The following LRP1B variants were observed in gnomAD, a reference collection of about 807,000 sequenced individuals.
LRP1B encodes the protein LDL receptor related protein 1B.
LRP1B carries 217 observed loss-of-function variants against 556.6 expected under a neutral mutation model. The ratio of observed to expected loss-of-function variants is 0.39; its 90% confidence interval spans 0.35 to 0.44. The LOEUF is 0.44. Among genes scored for constraint, LRP1B ranks in the 20% least tolerant of loss-of-function variants. The probability of loss-of-function intolerance (pLI) is 1.00; values close to 1 mark genes in which losing one functional copy is unlikely to be tolerated. For missense variants in LRP1B, 5,053 were observed against 5,620.8 expected, an observed-to-expected ratio of 0.90 and a Z score of 3.23; for synonymous variants, 2,047 against 1,865.8, an observed-to-expected ratio of 1.10 and a Z score of -2.50.
chr2:141,163,370 G>A (rs1680115632), intron 7 of LRP1B, among the ~76,000 whole-genome samples: 1 of 151,998 alleles, frequency 6.6e-6, no homozygotes, highest in African/African-American at 2.4e-5. Flanking sequence ...TTGAGTTAAT[G>A]GCAATAACGT....
chr2:140,409,175 T>C (rs1684868803), intron 66 of LRP1B, among the ~76,000 whole-genome samples: 1 of 151,944 alleles, frequency 6.6e-6, no homozygotes, highest in South Asian at 2.1e-4. Context: ...TTGGCCTGTA[T>C]ATTCTGGGTA....
chr2:140,823,582 G>A (rs1691400214), intron 31 of LRP1B, among the ~76,000 whole-genome samples: 1 of 151,970 alleles, frequency 6.6e-6, no homozygotes, highest in Non-Finnish European at 1.5e-5. Flanking sequence ...CAGTGGAACA[G>A]TTCTGAAGGA....
intron 3 of LRP1B, among the ~76,000 whole-genome samples, chr2:141,344,719 T>C (rs889444954): frequency 9.2e-5 from 14 of 152,234 alleles, no homozygotes; most frequent in African/African-American, 3.4e-4. Context: ...TCCCACTGTA[T>C]TCATAGTGTC....
chr2:141,302,122 A>T (rs779872760), intron 3 of LRP1B, among the ~76,000 whole-genome samples: 1 of 152,184 alleles, frequency 6.6e-6, no homozygotes, highest in Non-Finnish European at 1.5e-5. Context: ...AATATCTCCC[A>T]GGAAAATTAA....
chr2:141,194,363 G>C (rs1051203271), intron 6 of LRP1B, among the ~76,000 whole-genome samples: 6 of 152,046 alleles, frequency 3.9e-5, no homozygotes, highest in African/African-American at 1.4e-4. Context: ...ACAAGGATCA[G>C]AATGAGAACA....
At chr2:140,665,993 AATTTT>A in intron 41 of LRP1B, among the ~76,000 whole-genome samples, 1 of 142,136 alleles carries the variant, frequency 7.0e-6, no homozygotes, top group African/African-American at 2.8e-5. Flanking sequence ...AAAAAAAAAA[AATTTT>A]TTTTTTTTTT....
intron 1 of LRP1B, among the ~76,000 whole-genome samples, chr2:142,101,361 G>A (rs1035791970): frequency 8.6e-5 from 13 of 151,938 alleles, no homozygotes; most frequent in Admixed American, 6.6e-4. Flanking sequence ...ACTGAAGCTG[G>A]CCACACTCAC....
intron 2 of LRP1B, among the ~76,000 whole-genome samples, chr2:141,684,484 T>C (rs779275370): frequency 6.6e-6 from 1 of 151,676 alleles, no homozygotes; most frequent in Non-Finnish European, 1.5e-5. Context: ...AGGATAGCAT[T>C]AGGAGAAATA....
intron 23 of LRP1B, among the ~76,000 whole-genome samples, chr2:140,887,027 TTA>T: frequency 6.6e-6 from 1 of 152,320 alleles, no homozygotes; most frequent in African/African-American, 2.4e-5. Flanking sequence ...GTTACTAAAA[TTA>T]TGTTATTTCA....
intron 31 of LRP1B, among the ~76,000 whole-genome samples, chr2:140,822,283 T>C (rs138460823): frequency 6.6e-6 from 1 of 152,344 alleles, no homozygotes; most frequent in East Asian, 1.9e-4. Flanking sequence ...CAACAATGGA[T>C]AACTGGAATG....
chr2:141,567,180 G>A (rs1044655718), intron 2 of LRP1B, among the ~76,000 whole-genome samples: 1 of 152,110 alleles, frequency 6.6e-6, no homozygotes, highest in African/African-American at 2.4e-5. Flanking sequence ...ACTATGCAAT[G>A]GCATCAGATG....
intron 3 of LRP1B, among the ~76,000 whole-genome samples, chr2:141,455,419 T>TCC (rs1681594033): frequency 6.6e-6 from 1 of 152,182 alleles, no homozygotes; most frequent in African/African-American, 2.4e-5. Flanking sequence ...TTCTCAGTGT[T>TCC]CAGTTGAAGT....
At chr2:140,579,799 G>A (rs977420082) in intron 43 of LRP1B, among the ~76,000 whole-genome samples, 7 of 152,092 alleles carry the variant, frequency 4.6e-5, no homozygotes, top group East Asian at 1.9e-4. Flanking sequence ...CCGAGATCGC[G>A]CCACTGCACT....
chr2:142,047,382 A>C (rs1252965249), intron 1 of LRP1B, among the ~76,000 whole-genome samples: 1 of 152,060 alleles, frequency 6.6e-6, no homozygotes, highest in Non-Finnish European at 1.5e-5. Flanking sequence ...AATGGAAAAA[A>C]AATATGCTAG....
intron 41 of LRP1B, among the ~76,000 whole-genome samples, chr2:140,614,497 AG>A (rs1215116229): frequency 6.6e-6 from 1 of 152,150 alleles, no homozygotes; most frequent in Non-Finnish European, 1.5e-5. Flanking sequence ...AAGAATATTC[AG>A]GGAAAAATAG....
Position 140,571,384 on chromosome 2 carries a change from G to T in LRP1B, c.7194+27247C>A, listed in dbSNP as rs147498889. On this transcript the variant is annotated intron_variant, in intron 43 of 90. Coordinates refer to ENST00000389484, the MANE Select transcript of LRP1B (RefSeq NM_018557.3). ...CACCAACAACAAGCTAACTGAAAAA[G>T]AAATCATGAAAGCAATTCCATTTAC... Among the ~76,000 whole-genome samples the T allele has an allele frequency of 1.0e-3, 153 of 151,720 alleles. 2 individuals carry two copies. The East Asian group carries it at 0.027, about 27-fold the overall frequency.
chr2:140,675,089 C>G (rs147018103), intron 41 of LRP1B, among the ~76,000 whole-genome samples: 6 of 152,308 alleles, frequency 3.9e-5, no homozygotes, highest in African/African-American at 7.2e-5. Flanking sequence ...ATCACCTTTT[C>G]TCACTGCCTT....
intron 2 of LRP1B, among the ~76,000 whole-genome samples, chr2:141,563,230 C>T (rs192172223): frequency 2.7e-3 from 404 of 151,982 alleles, no homozygotes; most frequent in Non-Finnish European, 4.1e-3. Flanking sequence ...CTACGGTAGC[C>T]GACATCCAGA....
intron 2 of LRP1B, among the ~76,000 whole-genome samples, chr2:141,596,038 A>G (rs1216460754): frequency 1.3e-5 from 2 of 151,980 alleles, no homozygotes; most frequent in Non-Finnish European, 2.9e-5. Flanking sequence ...CCATTATAAA[A>G]TTTACAGGGC....
Sources: allele counts gnomAD v4.1 joint callset (sites outside exome capture counted in the v4.1 genomes callset), GRCh38; gene constraint gnomAD v4.1.1; transcripts MANE v1.5; gene names NCBI Gene and HGNC (gene_info 2026-07-23, HGNC 2026-07-21).